Variants in PEX26 observed in about 807,000 individuals in gnomAD.
The protein encoded by PEX26 is peroxisomal biogenesis factor 26.
Under a neutral mutation model 31.4 loss-of-function variants are expected in PEX26, and 18 were observed. That is an observed-to-expected ratio of 0.57 (90% CI 0.40 to 0.85). The LOEUF is 0.85. Ranked by LOEUF, PEX26 falls within the 40% of genes least tolerant of loss-of-function variation. PEX26 has a pLI of 0.00. For missense variants in PEX26, 377 were observed against 383.9 expected (o/e 0.98, Z 0.15); for synonymous variants, 176 against 166.9 (o/e 1.05, Z -0.42).
rs1432782914 is a variant in PEX26, at chr22:18,093,376, A to G, written c.*5301A>G. 2 of 151,976 alleles carry G rather than the reference A, an allele frequency of 1.3e-5. No homozygotes were observed. The highest frequency in any genetic ancestry group is 1.3e-4 in the Admixed American group (2 of 15,262). 9.4% of individuals were successfully genotyped at this position (151,976 alleles called of 1,614,324 possible). On this transcript the variant is annotated 3_prime_UTR_variant, in exon 5 of 5. Coordinates refer to ENST00000399744, the MANE Select transcript of PEX26 (RefSeq NM_001127649.3). The stretch of plus-strand genomic sequence containing the variant: ...GGAGATCGAGACCATCCTGGCTAAC[A>G]CGGTGAAATCCCATCTCTACTAAAA...
chr22:18,083,464 G>T lies in PEX26; in HGVS notation c.399G>T (p.Glu133Asp), dbSNP rs1569187777. The T allele has an allele frequency of 3.7e-6, 6 of 1,614,108 alleles. No individual in the cohort carries two copies. Among genetic ancestry groups the T allele is most frequent in the Non-Finnish European group, 5.1e-6 (6 of 1,180,034 alleles). The change falls in exon 3 of 5, where the codon GAG becomes GAT. Residue 133 changes from glutamate to aspartate, a missense_variant. Glu to Asp is a conservative substitution (Grantham distance 45). Transcript: ENST00000399744. ...LCILLYSKMQ[E>D]PGAVLDVVGA... ...TTCTTTTATACAGCAAAATGCAAGAGCCTGGAGCTGTGCTGGATGTGGTGG... is the reference window on the plus strand; with the variant it reads ...TTCTTTTATACAGCAAAATGCAAGATCCTGGAGCTGTGCTGGATGTGGTGG...
intron 4 of PEX26, among the ~76,000 whole-genome samples, chr22:18,086,650 G>T (rs1247273728): frequency 6.6e-6 from 1 of 152,142 alleles, no homozygotes; most frequent in African/African-American, 2.4e-5. Flanking sequence ...CGCTCTTTTA[G>T]ATTTTTTTGT....
chr22:18,080,925 G>A (rs1220102924), intron 2 of PEX26, among the ~76,000 whole-genome samples: 5 of 151,094 alleles, frequency 3.3e-5, no homozygotes, highest in Admixed American at 3.3e-4. Context: ...ACCTCTTCCC[G>A]TCTTCCTTTT....
intron 1 of PEX26, 39 bp from the exon 2 acceptor site, chr22:18,079,835 G>A (rs1569186322): frequency 3.1e-6 from 5 of 1,613,154 alleles, no homozygotes; most frequent in Non-Finnish European, 4.2e-6. Context: ...GAAATGGAGG[G>A]GAACCACTTC....
rs984344722 is a variant in PEX26, at chr22:18,103,358, T to C, written c.*15283T>C. The C allele has an allele frequency of 6.6e-6, 1 of 152,118 alleles. No homozygotes were observed. The highest frequency in any genetic ancestry group is 6.6e-5 in the Admixed American group (1 of 15,242). 9.4% of individuals were successfully genotyped at this position (152,118 alleles called of 1,614,324 possible). ...TAGAAATGAGAAATACTCAAGGTCA[T>C]GGGTATCCTGGATACCCTGAGTTGA... is the stretch of plus-strand genomic sequence containing the variant. On this transcript the variant is annotated 3_prime_UTR_variant, in exon 5 of 5. Transcript: ENST00000399744.
Position 18,087,999 on chromosome 22 carries a change from A to G in PEX26, c.842A>G (p.Tyr281Cys), listed in dbSNP as rs1363970653. The G allele has an allele frequency of 1.2e-6, 2 of 1,613,370 alleles. No individual in the cohort carries two copies. Among genetic ancestry groups the G allele is most frequent in the African/African-American group, 2.7e-5 (2 of 74,842 alleles). ...TCCCCTTCCTCCCTGCACTTCCTCTACAAGCTGGCCCAGCTCTTCCGCTGG... is the reference window on the plus strand; with the variant it reads ...TCCCCTTCCTCCCTGCACTTCCTCTGCAAGCTGGCCCAGCTCTTCCGCTGG... ...PASPSSLHFL[Y>C]KLAQLFRWIR... is the part of the protein sequence containing the mutation. Residue 281 changes from tyrosine to cysteine, a missense_variant, in exon 5 of 5, where the codon TAC becomes TGC. Transcript: ENST00000399744.
In PEX26 at chr22:18,101,747, G is replaced by C. The variant is rs958831365; in HGVS notation, c.*13672G>C. 1.2e-5 allele frequency: 3 copies of C among 240,526 alleles called. No individual in the cohort carries two copies. Among genetic ancestry groups the C allele is most frequent in the African/African-American group, 2.3e-5 (1 of 43,168 alleles). 14.9% of individuals were successfully genotyped at this position (240,526 alleles called of 1,614,324 possible). Reference sequence around the variant, plus strand: ...CCTGGCATTACAATGGCCTCATCCTGCATGTGGGCAAGTCAGCTCTCTGAT... The same window carrying C: ...CCTGGCATTACAATGGCCTCATCCTCCATGTGGGCAAGTCAGCTCTCTGAT... On this transcript the variant is annotated 3_prime_UTR_variant, in exon 5 of 5. Coordinates refer to ENST00000399744, the MANE Select transcript of PEX26 (RefSeq NM_001127649.3).
intron 2 of PEX26, among the ~76,000 whole-genome samples, chr22:18,081,010 TA>T (rs1381043504): frequency 6.6e-6 from 1 of 151,794 alleles, no homozygotes; most frequent in Non-Finnish European, 1.5e-5. Context: ...TTTTTTTTTT[TA>T]AAGATTCACA....
chr22:18,083,503 A>G lies in PEX26; in HGVS notation c.438A>G (p.Gln146=). Residue 146 remains glutamine, a synonymous_variant, in exon 3 of 5, where the codon CAA becomes CAG. Coordinates refer to ENST00000399744, the MANE Select transcript of PEX26 (RefSeq NM_001127649.3). ...TGGATGTGGTGGGTGCCTGGCTCCA[A>G]GACCCAGCCAATCAAAACCTTCCAG... ...AVLDVVGAWL[Q]DPANQNLPEY... 6.2e-7 allele frequency: 1 copy of G among 1,614,118 alleles called. No homozygotes were observed. The highest frequency in any genetic ancestry group is 8.5e-7 in the Non-Finnish European group (1 of 1,179,966).
intron 1 of PEX26, among the ~76,000 whole-genome samples, 170 bp from the exon 2 acceptor site, chr22:18,079,704 G>A (rs973310953): frequency 1.3e-5 from 2 of 152,182 alleles, no homozygotes; most frequent in Non-Finnish European, 2.9e-5. Context: ...TAGTTCCTGG[G>A]GGAAAGGGCA....
At position 18,084,283 on chromosome 22, in the gene PEX26, C is replaced by T. The variant is rs376123513; in HGVS notation, c.667+551C>T. 1.8e-3 allele frequency among the ~76,000 whole-genome samples: 264 copies of T among 143,420 alleles called. 3 individuals carry two copies. Among genetic ancestry groups the T allele is most frequent in the African/African-American group, 6.3e-3 (240 of 38,218 alleles). 94.1% of individuals were successfully genotyped at this position (143,420 alleles called of 152,430 possible). On this transcript the variant is annotated intron_variant, in intron 3 of 4. Coordinates refer to ENST00000399744, the MANE Select transcript of PEX26 (RefSeq NM_001127649.3). ...TGTTTGAGACGGAGTCTCGCTCTGT[C>T]GCCCAAGCGGGAATGCAGTGATGCG... is the stretch of plus-strand genomic sequence containing the variant.
At position 18,088,176 on chromosome 22, in the gene PEX26, C is replaced by G. The variant is rs1174303545; in HGVS notation, c.*101C>G. On this transcript the variant is annotated 3_prime_UTR_variant, in exon 5 of 5. Transcript: ENST00000399744. This position sits in a 1 kb window ranked among gnomAD's most constrained non-coding sequence, Gnocchi z 4.1. ...ACAGGCGCCCCTGGGGAAATGGGAC[C>G]AGCCTAATCTCGCGGAGTGCACTGT... is the stretch of plus-strand genomic sequence containing the variant. 1 of 843,792 alleles carries G rather than the reference C, an allele frequency of 1.2e-6. No homozygotes were observed. The highest frequency in any genetic ancestry group is 1.3e-5 in the South Asian group (1 of 76,002). 52.3% of individuals were successfully genotyped at this position (843,792 alleles called of 1,614,324 possible).
intron 2 of PEX26, among the ~76,000 whole-genome samples, chr22:18,082,964 C>T (rs764367023): frequency 1.3e-5 from 2 of 152,064 alleles, no homozygotes; most frequent in East Asian, 3.9e-4. Context: ...TATTGTAAAT[C>T]GAATTGTTTT....
rs1926379261 is a variant in PEX26 at position 18,078,313 on chromosome 22, C to T, written c.-64C>T. The T allele has an allele frequency of 2.5e-6, 3 of 1,204,816 alleles. No individual in the cohort carries two copies. The highest frequency in any genetic ancestry group is 2.4e-5 in the East Asian group (1 of 40,824). The allele number at this position is 1,204,816 out of a possible 1,614,324, so 74.6% of individuals were successfully genotyped here. ...TCGCCCAGGCCAACTCGGGATATCC[C>T]GGAGCCTCTGGGGAGGCGGTCACTC... On this transcript the variant is annotated 5_prime_UTR_variant, in exon 1 of 5. Transcript: ENST00000399744.
chr22:18,078,610 C>G lies in PEX26; in HGVS notation c.230+4C>G, dbSNP rs1926409366. The stretch of plus-strand genomic sequence containing the variant: ...TGGCAGAGGAACCCGCGGGCACGTA[C>G]GTGCTGGGCTCGGAAATGAACCGAT... On this transcript the variant is annotated splice_donor_region_variant and intron_variant, in intron 1 of 4. Transcript: ENST00000399744. 6.3e-7 allele frequency: 1 copy of G among 1,597,292 alleles called. No homozygotes were observed. Among genetic ancestry groups the G allele is most frequent in the Non-Finnish European group, 8.5e-7 (1 of 1,174,696 alleles).
chr22:18,097,221 G>T lies in PEX26; in HGVS notation c.*9146G>T, dbSNP rs1386658467. 6.6e-6 allele frequency: 1 copy of T among 151,502 alleles called. No homozygotes were observed. The highest frequency in any genetic ancestry group is 6.6e-5 in the Admixed American group (1 of 15,224). 9.4% of individuals were successfully genotyped at this position (151,502 alleles called of 1,614,324 possible). A position where few individuals can be genotyped will look rare whatever the true frequency, so the allele number is the denominator to read the frequency against. On this transcript the variant is annotated 3_prime_UTR_variant, in exon 5 of 5. Transcript: ENST00000399744. ...ATATCACCTCCCATCTCTTCATTTA[G>T]CAAGTTCACCTACCCCAATGGCAGC...
At position 18,079,953 on chromosome 22, in the gene PEX26, T is replaced by A. The variant is rs148629338; in HGVS notation, c.310T>A (p.Ser104Thr). 8.1e-6 allele frequency: 13 copies of A among 1,614,030 alleles called. No individual in the cohort carries two copies. The highest frequency in any genetic ancestry group is 3.3e-5 in the Admixed American group (2 of 60,008). The change falls in exon 2 of 5, where the codon TCC becomes ACC. Residue 104 changes from serine (S) to threonine (T), a missense_variant. Physicochemically the swap from Ser to Thr is moderately conservative, Grantham distance 58. Coordinates refer to ENST00000399744, the MANE Select transcript of PEX26 (RefSeq NM_001127649.3). ...AATGGATCGGTGGCAAGAAGTCCTC[T>A]CCTGGGTCCTTCAGTATTACCAGGT... ...AEMDRWQEVLSWVLQYYQVPE... is the reference protein window; with the variant it reads ...AEMDRWQEVLTWVLQYYQVPE...
intron 2 of PEX26, among the ~76,000 whole-genome samples, chr22:18,082,848 G>A (rs1244888121): frequency 6.6e-6 from 1 of 152,116 alleles, no homozygotes; most frequent in African/African-American, 2.4e-5. Flanking sequence ...TCCATTTTTT[G>A]TGTGTCCCCT....
intron 4 of PEX26, among the ~76,000 whole-genome samples, chr22:18,087,749 T>TGC (rs1012413912): frequency 1.6e-4 from 25 of 152,186 alleles, no homozygotes; most frequent in African/African-American, 4.3e-4. Flanking sequence ...AACCTGCACC[T>TGC]GCAGGCTGAG....
Sources: gnomAD v4.1 joint callset for allele counts (sites outside exome capture counted in the v4.1 genomes callset) on GRCh38, gnomAD v4.1.1 for gene constraint, Gnocchi (gnomAD v3.1) non-coding constraint, MANE v1.5 for transcripts, NCBI Gene and HGNC (gene_info 2026-07-23, HGNC 2026-07-21) for gene names.